The following SLC35E4 variants were observed in gnomAD, a reference collection of about 807,000 sequenced individuals.
The protein encoded by SLC35E4 is solute carrier family 35, member E4.
SLC35E4 carries 15 observed loss-of-function variants against 19.3 expected under a neutral mutation model. The observed-to-expected ratio is 0.78, with a 90% CI of 0.52 to 1.20. SLC35E4 has a LOEUF of 1.20. Among genes scored for constraint, SLC35E4 ranks in the 50% most tolerant of loss-of-function variants. SLC35E4 has a pLI of 0.00. For missense variants in SLC35E4, 406 were observed against 472.3 expected (o/e 0.86, Z 1.30); for synonymous variants, 219 against 219.9 (o/e 1.00, Z 0.04).
At chr22:30,638,501 CA>C (rs33962458) in intron 1 of SLC35E4, among the ~76,000 whole-genome samples, 2,269 of 64,098 alleles carry the variant, frequency 0.035, 28 homozygotes, top group African/African-American at 0.092. Context: ...GACTCCATCT[CA>C]AAAAAAAAAA....
chr22:30,666,645 A>AAAAAC, downstream of SLC35E4, among the ~76,000 whole-genome samples: 1 of 142,974 alleles, frequency 7.0e-6, no homozygotes, highest in African/African-American at 2.5e-5. Flanking sequence ...AAAAAAAAAA[A>AAAAAC]AGCAATCTCT....
chr22:30,636,675 CT>C lies in SLC35E4; in HGVS notation c.228del (p.Phe76LeufsTer53). On this transcript the variant is annotated frameshift_variant, in exon 1 of 2. Transcript: ENST00000343605. LOFTEE classifies it high-confidence loss of function. ...LNKWIFTVHG[F>X]GRPLLLSALH... ...ACAAGTGGATCTTCACAGTGCACGG[CT>C]TTGGGCGGCCCCTGCTGCTGTCGGC... 6.2e-7 allele frequency: 1 copy of C among 1,612,048 alleles called. No individual in the cohort carries two copies. Among genetic ancestry groups the C allele is most frequent in the Non-Finnish European group, 8.5e-7 (1 of 1,179,174 alleles).
downstream of SLC35E4, chr22:30,664,819 T>A (rs1427586342): frequency 6.6e-6 from 1 of 152,588 alleles, no homozygotes; most frequent in Non-Finnish European, 1.5e-5. Flanking sequence ...GAAGCCAGCA[T>A]AATGGGCACC....
In SLC35E4 at chr22:30,636,345, C is replaced by T. The variant is rs1012078111; in HGVS notation, c.-106C>T. ...GTCCTCACCTGTCTGAAACGGGACA[C>T]GGGGTCGGAGGAACCAGGATCTAGC... On this transcript the variant is annotated 5_prime_UTR_variant, in exon 1 of 2. The change creates a new upstream start codon in the 5' untranslated region. Coordinates refer to ENST00000343605, the MANE Select transcript of SLC35E4 (RefSeq NM_001001479.4). 5.7e-6 allele frequency: 8 copies of T among 1,396,252 alleles called. No individual in the cohort carries two copies. Among genetic ancestry groups the T allele is most frequent in the African/African-American group, 1.5e-5 (1 of 68,942 alleles). The allele number at this position is 1,396,252 out of a possible 1,614,324, so 86.5% of individuals were successfully genotyped here.
At chr22:30,654,598 G>T in intron 2 of SLC35E4, 1 of 465,596 alleles carries the variant, frequency 2.1e-6, no homozygotes, top group East Asian at 6.4e-5. Flanking sequence ...GGAAGTGGTG[G>T]GGGCCCAGAA....
At chr22:30,644,964 C>A (rs2088104131) in intron 1 of SLC35E4, among the ~76,000 whole-genome samples, 1 of 133,844 alleles carries the variant, frequency 7.5e-6, no homozygotes, top group Non-Finnish European at 1.7e-5. Context: ...TCTTGACAAG[C>A]CACAGTATTA....
intron 1 of SLC35E4, among the ~76,000 whole-genome samples, chr22:30,639,970 C>T (rs1441008023): frequency 4.6e-5 from 6 of 130,732 alleles, no homozygotes. Flanking sequence ...GATAAGTGTC[C>T]ATGAAATCTT....
chr22:30,663,972 T>C (rs2088566115), downstream of SLC35E4: 4 of 1,614,014 alleles, frequency 2.5e-6, no homozygotes, highest in Non-Finnish European at 3.4e-6. Context: ...CTGCCGGAAC[T>C]GAACTGGGAA....
At chr22:30,664,194 A>C, downstream of SLC35E4, 1 of 606,470 alleles carries the variant, frequency 1.6e-6, no homozygotes, top group African/African-American at 1.9e-5. Flanking sequence ...TCCTCTGACC[A>C]TCACAGCAGA....
At chr22:30,640,631 A>T (rs1012929952) in intron 1 of SLC35E4, among the ~76,000 whole-genome samples, 1 of 152,152 alleles carries the variant, frequency 6.6e-6, no homozygotes. Flanking sequence ...TCTCTGCCTC[A>T]ACCCAAGGAG....
intron 2 of SLC35E4, among the ~76,000 whole-genome samples, chr22:30,660,393 T>A (rs187149939): frequency 2.2e-4 from 34 of 152,176 alleles, no homozygotes; most frequent in Admixed American, 2.0e-3. Flanking sequence ...AGCCTTGACC[T>A]CCCTCCTGGG....
intron 1 of SLC35E4, among the ~76,000 whole-genome samples, chr22:30,640,384 A>AG (rs1237845101): frequency 2.4e-4 from 37 of 151,846 alleles, no homozygotes; most frequent in African/African-American, 8.5e-4. Context: ...AAAAAAAAAA[A>AG]AAGAAGAAAG....
intron 1 of SLC35E4, among the ~76,000 whole-genome samples, chr22:30,644,353 G>C (rs774144626): frequency 2.0e-5 from 3 of 152,166 alleles, no homozygotes; most frequent in Non-Finnish European, 1.5e-5. Flanking sequence ...AATGCATAGA[G>C]GCTCACAGAG....
At chr22:30,664,131 C>A, downstream of SLC35E4, 1 of 817,278 alleles carries the variant, frequency 1.2e-6, no homozygotes, top group Admixed American at 2.6e-5. Context: ...AGGGCCAATT[C>A]CAGGGGATCC....
chr22:30,638,048 A>G (rs960279338), intron 1 of SLC35E4, among the ~76,000 whole-genome samples: 4 of 152,122 alleles, frequency 2.6e-5, no homozygotes, highest in African/African-American at 9.7e-5. Context: ...TTTACAGATG[A>G]TGGGACTAAG....
chr22:30,636,111 G>A lies in SLC35E4; in HGVS notation c.-340G>A. 3.4e-6 allele frequency: 1 copy of A among 291,052 alleles called. No individual in the cohort carries two copies. Among genetic ancestry groups the A allele is most frequent in the South Asian group, 1.1e-4 (1 of 8,930 alleles). The allele number at this position is 291,052 out of a possible 1,614,324, so 18.0% of individuals were successfully genotyped here. On this transcript the variant is annotated 5_prime_UTR_variant, in exon 1 of 2. Coordinates refer to ENST00000343605, the MANE Select transcript of SLC35E4 (RefSeq NM_001001479.4). ...TGGGGACTGAAGAGAAAAAAGGAACGAGGATTTCATCTAAAAGCATAACGT... is the reference window on the plus strand; with the variant it reads ...TGGGGACTGAAGAGAAAAAAGGAACAAGGATTTCATCTAAAAGCATAACGT...
rs2087944950 is a variant in SLC35E4 at position 30,636,361 on chromosome 22, A to G, written c.-90A>G. 1 of 1,424,132 alleles carries G rather than the reference A, an allele frequency of 7.0e-7. No individual in the cohort carries two copies. Among genetic ancestry groups the G allele is most frequent in the Admixed American group, 2.9e-5 (1 of 34,852 alleles). The allele number at this position is 1,424,132 out of a possible 1,614,324, so 88.2% of individuals were successfully genotyped here. On this transcript the variant is annotated 5_prime_UTR_variant, in exon 1 of 2. Transcript: ENST00000343605. ...AACGGGACACGGGGTCGGAGGAACC[A>G]GGATCTAGCCTGGCCCCAAGCGGAA...
chr22:30,640,164 G>A (rs749687521), intron 1 of SLC35E4, among the ~76,000 whole-genome samples: 2 of 152,104 alleles, frequency 1.3e-5, no homozygotes, highest in African/African-American at 4.8e-5. Flanking sequence ...CACGAGGTCA[G>A]GAGATCAAGA....
chr22:30,637,441 C>T (rs1263442537), intron 1 of SLC35E4, among the ~76,000 whole-genome samples: 2 of 152,136 alleles, frequency 1.3e-5, no homozygotes, highest in Admixed American at 1.3e-4. Context: ...CCACGCTAAG[C>T]TAATTTTTGT....
Sources: gnomAD v4.1 joint callset for allele counts (sites outside exome capture counted in the v4.1 genomes callset) on GRCh38, gnomAD v4.1.1 for gene constraint, MANE v1.5 for transcripts, NCBI Gene and HGNC (gene_info 2026-07-23, HGNC 2026-07-21) for gene names.